The following ADGB variants were observed in gnomAD, a reference collection of about 807,000 sequenced individuals.
The protein encoded by ADGB is androglobin, also known as calpain-7-like protein.
ADGB carries 172 observed loss-of-function variants against 210.5 expected under a neutral mutation model. That is an observed-to-expected ratio of 0.82 (90% CI 0.72 to 0.93). The LOEUF (loss-of-function observed/expected upper bound fraction) is 0.93, where lower values mean the gene tolerates loss of function less well. Ranked by LOEUF, ADGB falls within the 40% of genes least tolerant of loss-of-function variation. The pLI is 0.00. For missense variants in ADGB, 2,025 were observed against 1,964.8 expected, an observed-to-expected ratio of 1.03 and a Z score of -0.58; for synonymous variants, 658 against 662.7, an observed-to-expected ratio of 0.99 and a Z score of 0.11.
At chr6:146,709,876 A>G (rs570927542) in intron 13 of ADGB, among the ~76,000 whole-genome samples, 63 of 152,266 alleles carry the variant, frequency 4.1e-4, no homozygotes, top group Non-Finnish European at 7.2e-4. Context: ...TTCAGTTGCT[A>G]TAACCTTTCA....
At chr6:146,780,745 CGTT>C (rs1297847846) in intron 29 of ADGB, among the ~76,000 whole-genome samples, 3 of 152,038 alleles carry the variant, frequency 2.0e-5, no homozygotes, top group Non-Finnish European at 2.9e-5. Context: ...CAACAATAAT[CGTT>C]GGAAACTTTA....
intron 20 of ADGB, 60 bp downstream of exon 20, chr6:146,728,801 C>A (rs902336786): frequency 8.8e-6 from 12 of 1,366,280 alleles, no homozygotes; most frequent in Admixed American, 7.1e-5. Flanking sequence ...AATGGTATAT[C>A]TTCCATTAGG....
chr6:146,809,964 A>G lies in ADGB; in HGVS notation c.4819-5068A>G, dbSNP rs1238730832. Among the ~76,000 whole-genome samples the G allele has an allele frequency of 2.0e-5, 3 of 152,018 alleles. No homozygotes were observed. The East Asian group carries it at 5.9e-4, about 30-fold the overall frequency. ...AAAGCAAACATAAACAAGTAGGACT[A>G]CATAAAAATAAAAAGCTGCTGCACA... On this transcript the variant is annotated intron_variant, in intron 35 of 35. Transcript: ENST00000397944.
At chr6:146,805,592 T>C (rs971390886) in intron 35 of ADGB, among the ~76,000 whole-genome samples, 3 of 152,224 alleles carry the variant, frequency 2.0e-5, no homozygotes, top group African/African-American at 7.2e-5. Context: ...CTCTGATCTT[T>C]TTATCCACCT....
chr6:146,678,764 T>C (rs959566856), intron 9 of ADGB, among the ~76,000 whole-genome samples: 17 of 152,252 alleles, frequency 1.1e-4, no homozygotes, highest in Admixed American at 2.6e-4. Context: ...TATTATCCAA[T>C]GCATATCCTA....
At chr6:146,669,773 G>A (rs556957745) in intron 7 of ADGB, among the ~76,000 whole-genome samples, 2 of 151,954 alleles carry the variant, frequency 1.3e-5, no homozygotes, top group East Asian at 1.9e-4. Context: ...TTTATGCCTG[G>A]TCACCATTGC....
At chr6:146,775,533 A>G (rs1158700849) in intron 29 of ADGB, among the ~76,000 whole-genome samples, 2 of 152,146 alleles carry the variant, frequency 1.3e-5, no homozygotes, top group African/African-American at 2.4e-5. Flanking sequence ...TTCATGTATA[A>G]TTACTGGTGT....
At chr6:146,605,107 A>G (rs974019567) in intron 1 of ADGB, among the ~76,000 whole-genome samples, 3 of 152,170 alleles carry the variant, frequency 2.0e-5, no homozygotes, top group Admixed American at 2.0e-4. Flanking sequence ...TTCAAACTAT[A>G]TGTAGTGGGG....
intron 22 of ADGB, 66 bp downstream of exon 22, chr6:146,734,096 A>G: frequency 6.8e-7 from 1 of 1,480,350 alleles, no homozygotes; most frequent in South Asian, 1.3e-5. Context: ...ATGTGTGTTA[A>G]TGAAAGTATT....
At chr6:146,722,371 C>T (rs1307592974) in intron 17 of ADGB, among the ~76,000 whole-genome samples, 1 of 152,100 alleles carries the variant, frequency 6.6e-6, no homozygotes, top group Non-Finnish European at 1.5e-5. Context: ...TTTCTCTGTC[C>T]ATCACAGAGA....
chr6:146,724,473 G>T, intron 18 of ADGB, 146 bp downstream of exon 18: 1 of 770,740 alleles, frequency 1.3e-6, no homozygotes, highest in Non-Finnish European at 1.9e-6. Context: ...TATTATTCTT[G>T]AGAAAAATAT....
chr6:146,607,488 G>A (rs1780648695), intron 1 of ADGB, among the ~76,000 whole-genome samples: 1 of 152,120 alleles, frequency 6.6e-6, no homozygotes, highest in Admixed American at 6.5e-5. Context: ...CAAGGGGAAT[G>A]CTTCCAACTT....
At chr6:146,764,172 A>G in intron 28 of ADGB, 72 bp downstream of exon 28, 1 of 1,332,662 alleles carries the variant, frequency 7.5e-7, no homozygotes, top group East Asian at 2.5e-5. Flanking sequence ...TCATTTCCCT[A>G]AAAATAGTCA....
At chr6:146,730,716 G>A (rs1445769975) in intron 20 of ADGB, among the ~76,000 whole-genome samples, 1 of 152,176 alleles carries the variant, frequency 6.6e-6, no homozygotes, top group Non-Finnish European at 1.5e-5. Context: ...AAATGGGCAA[G>A]AGGCTTATTT....
intron 16 of ADGB, among the ~76,000 whole-genome samples, chr6:146,718,734 G>A (rs1340507995): frequency 2.6e-5 from 4 of 152,214 alleles, no homozygotes; most frequent in Non-Finnish European, 4.4e-5. Flanking sequence ...CAGAGTTGGA[G>A]GAAGTAAAGA....
chr6:146,665,328 A>G lies in ADGB; in HGVS notation c.752+988A>G, dbSNP rs576688850. ...AACCACTCCTACTGCCATCCTCTTC[A>G]TATCTGTTTTTTCCTTACCAGCCCT... On this transcript the variant is annotated intron_variant, in intron 6 of 35. Coordinates refer to ENST00000397944, the MANE Select transcript of ADGB (RefSeq NM_024694.4). Among the ~76,000 whole-genome samples, 82 of 152,162 alleles carry G rather than the reference A, an allele frequency of 5.4e-4. No homozygotes were observed. The East Asian group carries it at 0.014, about 26-fold the overall frequency.
chr6:146,700,881 TTAA>T (rs1776479858), intron 12 of ADGB, 57 bp from the exon 13 acceptor site: 1 of 1,502,748 alleles, frequency 6.7e-7, no homozygotes, highest in Non-Finnish European at 8.9e-7. Context: ...CAGTTATTTA[TTAA>T]TAACTTTAAA....
At chr6:146,714,701 A>G (rs1776706978) in intron 13 of ADGB, among the ~76,000 whole-genome samples, 1 of 152,154 alleles carries the variant, frequency 6.6e-6, no homozygotes, top group African/African-American at 2.4e-5. Context: ...CTGCTCAGAT[A>G]CCTGCTAATT....
At chr6:146,606,153 A>C (rs890446281) in intron 1 of ADGB, among the ~76,000 whole-genome samples, 1 of 151,970 alleles carries the variant, frequency 6.6e-6, no homozygotes, top group Non-Finnish European at 1.5e-5. Flanking sequence ...TGTGGTTTTG[A>C]TTGGTATTTC....
Sources: allele counts gnomAD v4.1 joint callset (sites outside exome capture counted in the v4.1 genomes callset), GRCh38; gene constraint gnomAD v4.1.1; transcripts MANE v1.5; gene names NCBI Gene and HGNC (gene_info 2026-07-23, HGNC 2026-07-21).